TMEM132D: variants seen among roughly 807,000 people sequenced by gnomAD.
TMEM132D encodes the protein transmembrane protein 132D, also known as mature OL transmembrane protein.
In TMEM132D, 21 loss-of-function variants were observed where a neutral mutation model predicts 62.3. The observed-to-expected ratio is 0.34, with a 90% CI of 0.24 to 0.49. TMEM132D has a LOEUF of 0.49. Ranked by LOEUF, TMEM132D falls within the 20% of genes least tolerant of loss-of-function variation. The pLI is 0.99. For missense variants in TMEM132D, 1,346 were observed against 1,402.8 expected (o/e 0.96, Z 0.65); for synonymous variants, 621 against 575.6 (o/e 1.08, Z -1.13).
rs1289282085 is a variant in TMEM132D at position 129,301,964 on chromosome 12, TC to T, written c.1299+35669del. ...AAAAGACTATAATAGCACCAATAGA[TC>T]TTTTCTTTAAAAAAAAAAACGTATT... On this transcript the variant is annotated intron_variant, in intron 4 of 8. Transcript: ENST00000422113. 1.5e-4 allele frequency among the ~76,000 whole-genome samples: 23 copies of T among 151,812 alleles called. No individual in the cohort carries two copies. The East Asian group carries it at 3.9e-3, about 26-fold the overall frequency.
At chr12:129,411,261 A>G (rs917238018) in intron 3 of TMEM132D, among the ~76,000 whole-genome samples, 9 of 152,184 alleles carry the variant, frequency 5.9e-5, no homozygotes, top group African/African-American at 2.2e-4. Context: ...GTTATCACCA[A>G]CACAGTGTTA....
intron 4 of TMEM132D, among the ~76,000 whole-genome samples, chr12:129,273,895 G>A (rs1183062382): frequency 1.3e-5 from 2 of 150,948 alleles, no homozygotes; most frequent in South Asian, 2.1e-4. Context: ...ACATGTACCC[G>A]CTGAACTTAA....
At chr12:129,188,756 AGAGAGG>A (rs1244323812) in intron 5 of TMEM132D, among the ~76,000 whole-genome samples, 67 of 49,208 alleles carry the variant, frequency 1.4e-3, no homozygotes, top group African/African-American at 3.8e-3. Flanking sequence ...AGGGGGAGGG[AGAGAGG>A]GAGAGAGAGA....
chr12:129,508,217 TACTC>T (rs1875396749), intron 3 of TMEM132D, among the ~76,000 whole-genome samples: 1 of 152,164 alleles, frequency 6.6e-6, no homozygotes, highest in South Asian at 2.1e-4. Flanking sequence ...TATTATAAAA[TACTC>T]TCTACAAGTT....
chr12:129,396,319 C>T (rs1347412809), intron 3 of TMEM132D, among the ~76,000 whole-genome samples: 1 of 152,082 alleles, frequency 6.6e-6, no homozygotes. Flanking sequence ...CATTTTATTT[C>T]CCATCCTCTC....
chr12:129,729,577 G>A (rs1477194377), intron 1 of TMEM132D, among the ~76,000 whole-genome samples: 1 of 151,840 alleles, frequency 6.6e-6, no homozygotes, highest in African/African-American at 2.4e-5. Flanking sequence ...CCAGCTCTGA[G>A]TCTGCGACAT....
At chr12:129,875,519 C>T (rs1241536180) in intron 1 of TMEM132D, among the ~76,000 whole-genome samples, 1 of 152,124 alleles carries the variant, frequency 6.6e-6, no homozygotes, top group Admixed American at 6.6e-5. Context: ...CTGGTGCTAT[C>T]CTGAGTCCCA....
intron 3 of TMEM132D, among the ~76,000 whole-genome samples, chr12:129,511,189 C>T (rs1370296493): frequency 6.6e-6 from 1 of 152,178 alleles, no homozygotes; most frequent in African/African-American, 2.4e-5. Context: ...ATTCAATTCC[C>T]TTCTCTTCTC....
intron 1 of TMEM132D, among the ~76,000 whole-genome samples, chr12:129,760,186 C>T (rs1264639818): frequency 6.6e-6 from 1 of 152,124 alleles, no homozygotes; most frequent in African/African-American, 2.4e-5. Flanking sequence ...AGATTACAGG[C>T]ATGAGCCACT....
intron 1 of TMEM132D, among the ~76,000 whole-genome samples, chr12:129,784,851 A>G (rs1871211240): frequency 6.6e-6 from 1 of 152,170 alleles, no homozygotes; most frequent in Admixed American, 6.5e-5. Context: ...AAGCCATTCT[A>G]TATAAAATGT....
intron 2 of TMEM132D, among the ~76,000 whole-genome samples, chr12:129,605,914 G>A (rs562699177): frequency 1.1e-4 from 16 of 152,062 alleles, no homozygotes; most frequent in East Asian, 7.8e-4. Flanking sequence ...TGGCTCAGCC[G>A]CCCCATAGAG....
At chr12:129,181,812 A>G (rs11830026) in intron 5 of TMEM132D, among the ~76,000 whole-genome samples, 2 of 152,092 alleles carry the variant, frequency 1.3e-5, no homozygotes, top group Non-Finnish European at 2.9e-5. Context: ...CTCTTCCTCT[A>G]TGTAGAAGTG....
intron 1 of TMEM132D, among the ~76,000 whole-genome samples, chr12:129,735,404 G>A (rs1485433801): frequency 6.6e-6 from 1 of 152,128 alleles, no homozygotes. Flanking sequence ...TGTATATTAG[G>A]GAGCTGTTCA....
At chr12:129,283,804 T>C (rs1029364744) in intron 4 of TMEM132D, among the ~76,000 whole-genome samples, 1 of 152,196 alleles carries the variant, frequency 6.6e-6, no homozygotes, top group Non-Finnish European at 1.5e-5. Flanking sequence ...ACTGACACTG[T>C]GCCTCTGGTG....
At chr12:129,515,276 G>C (rs568706390) in intron 3 of TMEM132D, among the ~76,000 whole-genome samples, 1 of 152,152 alleles carries the variant, frequency 6.6e-6, no homozygotes, top group Admixed American at 6.5e-5. Context: ...GCTCTGCACG[G>C]TTTTTTGAAC....
At chr12:129,900,290 A>G (rs1037605054) in intron 1 of TMEM132D, among the ~76,000 whole-genome samples, 3 of 152,228 alleles carry the variant, frequency 2.0e-5, no homozygotes, top group African/African-American at 7.2e-5. Flanking sequence ...GGCTGATTGA[A>G]AAAGAATATT....
At chr12:129,354,380 G>A (rs1301312539) in intron 3 of TMEM132D, among the ~76,000 whole-genome samples, 1 of 151,752 alleles carries the variant, frequency 6.6e-6, no homozygotes, top group East Asian at 1.9e-4. Flanking sequence ...CTGGAGTGCA[G>A]TGGCATGATC....
intron 3 of TMEM132D, among the ~76,000 whole-genome samples, chr12:129,519,617 T>TC (rs1308137883): frequency 6.6e-6 from 1 of 151,392 alleles, no homozygotes; most frequent in East Asian, 1.9e-4. Context: ...ATGCTTTTTT[T>TC]TTTTTCTTTG....
At chr12:129,618,681 T>C (rs1727464000) in intron 2 of TMEM132D, among the ~76,000 whole-genome samples, 1 of 152,212 alleles carries the variant, frequency 6.6e-6, no homozygotes, top group East Asian at 1.9e-4. Context: ...TGCACATCTA[T>C]GTACATACAT....
Sources: gnomAD v4.1 joint callset for allele counts (sites outside exome capture counted in the v4.1 genomes callset) on GRCh38, gnomAD v4.1.1 for gene constraint, MANE v1.5 for transcripts, NCBI Gene and HGNC (gene_info 2026-07-23, HGNC 2026-07-21) for gene names.